The following KCNH5 variants were observed in gnomAD, a reference collection of about 807,000 sequenced individuals.
KCNH5 encodes voltage-gated delayed rectifier potassium channel KCNH5.
In KCNH5, 46 loss-of-function variants were observed where a neutral mutation model predicts 96.1. That is an observed-to-expected ratio of 0.48 (90% CI 0.38 to 0.61). KCNH5 has a LOEUF of 0.61. Ranked by LOEUF, KCNH5 falls within the 20% of genes least tolerant of loss-of-function variation. The pLI, the probability that KCNH5 is intolerant of heterozygous loss-of-function variation, is 0.00. For synonymous variants in KCNH5, 439 were observed against 449.8 expected, an observed-to-expected ratio of 0.98 and a Z score of 0.30; for missense variants, 907 against 1,225.8, an observed-to-expected ratio of 0.74 and a Z score of 3.88.
At chr14:62,925,733 TAA>T (rs1337487846) in intron 7 of KCNH5, among the ~76,000 whole-genome samples, 2 of 152,114 alleles carry the variant, frequency 1.3e-5, no homozygotes, top group African/African-American at 4.8e-5. Flanking sequence ...AAGACCACAA[TAA>T]AGCTTGTAAT....
chr14:62,775,904 G>T (rs1291035189), intron 10 of KCNH5, among the ~76,000 whole-genome samples: 4 of 152,160 alleles, frequency 2.6e-5, no homozygotes, highest in Admixed American at 2.6e-4. Flanking sequence ...AAATCCATCT[G>T]TTGAAGCTCT....
chr14:62,861,674 ACG>A (rs1491241796), intron 7 of KCNH5, among the ~76,000 whole-genome samples: 1 of 139,576 alleles, frequency 7.2e-6, no homozygotes, highest in Non-Finnish European at 1.5e-5. Flanking sequence ...ACACACACAC[ACG>A]GTATAATTAT....
intron 4 of KCNH5, among the ~76,000 whole-genome samples, chr14:62,990,119 A>G (rs907211594): frequency 6.6e-6 from 1 of 152,124 alleles, no homozygotes; most frequent in Non-Finnish European, 1.5e-5. Flanking sequence ...AGGTTTATCC[A>G]GAAAACATTT....
intron 10 of KCNH5, among the ~76,000 whole-genome samples, chr14:62,731,009 A>C (rs1885036778): frequency 6.6e-6 from 1 of 152,196 alleles, no homozygotes; most frequent in African/African-American, 2.4e-5. Flanking sequence ...TTTAAAAAAT[A>C]CTAATCACAG....
At chr14:62,882,821 T>C (rs928817632) in intron 7 of KCNH5, among the ~76,000 whole-genome samples, 5 of 152,180 alleles carry the variant, frequency 3.3e-5, no homozygotes, top group Non-Finnish European at 7.4e-5. Flanking sequence ...CTTATTAACA[T>C]GGGATTTTAA....
At chr14:62,931,585 T>A (rs752070362) in intron 7 of KCNH5, among the ~76,000 whole-genome samples, 5 of 151,962 alleles carry the variant, frequency 3.3e-5, no homozygotes, top group Non-Finnish European at 5.9e-5. Context: ...ACTCATCAGA[T>A]CCAAGAAAGC....
chr14:62,984,454 A>C (rs932711556), intron 5 of KCNH5, among the ~76,000 whole-genome samples: 3 of 152,200 alleles, frequency 2.0e-5, no homozygotes, highest in African/African-American at 7.2e-5. Context: ...TCTGTCTTTG[A>C]AAAAGTAAAA....
intron 5 of KCNH5, among the ~76,000 whole-genome samples, chr14:62,982,307 G>A (rs576725805): frequency 2.6e-4 from 40 of 151,926 alleles, no homozygotes; most frequent in African/African-American, 9.4e-4. Context: ...CCAGCCTGGC[G>A]ACAGAGCGAG....
At chr14:62,966,219 G>C (rs1030361634) in intron 6 of KCNH5, among the ~76,000 whole-genome samples, 2 of 152,156 alleles carry the variant, frequency 1.3e-5, no homozygotes, top group African/African-American at 4.8e-5. Flanking sequence ...CTCTGTATTT[G>C]TATCTGCAAT....
In KCNH5 at chr14:62,707,855, G is replaced by A. The variant is rs754436628; in HGVS notation, c.2620C>T (p.Arg874Cys). Residue 874 changes from arginine to cysteine, a missense_variant, in exon 11 of 11, where the codon CGT becomes TGT. Around this residue, in one of 6 missense-constraint regions of KCNH5, gnomAD observed 362 missense variants for 394.4 expected, o/e 0.92. Coordinates refer to ENST00000322893, the MANE Select transcript of KCNH5 (RefSeq NM_139318.5). ...CDSGITKSDL[R>C]LDKAGEARSP... ...CGGGCCTCCCCAGCCTTATCCAAAC[G>A]AAGGTCACTTTTTGTAATTCCACTG... 9.9e-6 allele frequency: 16 copies of A among 1,614,144 alleles called. No individual in the cohort carries two copies. The highest frequency in any genetic ancestry group is 1.7e-5 in the Admixed American group (1 of 60,008).
At chr14:62,712,798 G>C in intron 10 of KCNH5, 1 of 726,852 alleles carries the variant, frequency 1.4e-6, no homozygotes, top group Non-Finnish European at 2.6e-6. Flanking sequence ...AGCTTTGTGC[G>C]AGGCAGTCTC....
intron 2 of KCNH5, among the ~76,000 whole-genome samples, chr14:63,011,178 T>A (rs537828656): frequency 2.0e-5 from 3 of 152,016 alleles, no homozygotes; most frequent in South Asian, 2.1e-4. Flanking sequence ...GGAGGAAAAA[T>A]TAAAAACAAG....
intron 7 of KCNH5, among the ~76,000 whole-genome samples, chr14:62,916,089 A>AG: frequency 6.6e-6 from 1 of 150,920 alleles, no homozygotes; most frequent in Non-Finnish European, 1.5e-5. Flanking sequence ...AGTAGCTGGG[A>AG]CTACAGGCGC....
chr14:62,988,257 C>T (rs2139576496), intron 4 of KCNH5, among the ~76,000 whole-genome samples: 1 of 152,146 alleles, frequency 6.6e-6, no homozygotes, highest in Non-Finnish European at 1.5e-5. Flanking sequence ...TTTATTAACA[C>T]TATCTGATAA....
Position 62,809,796 on chromosome 14 carries a change from G to A in KCNH5, c.1570-7215C>T, listed in dbSNP as rs532602033. On this transcript the variant is annotated intron_variant, in intron 8 of 10. Transcript: ENST00000322893. ...TTATTTTTCAAGAACTATGGTACAC[G>A]TATTACTAAATTCTAGTCTCAGTAG... is the stretch of plus-strand genomic sequence containing the variant. Among the ~76,000 whole-genome samples the A allele has an allele frequency of 1.1e-4, 16 of 152,188 alleles. No homozygotes were observed. In the East Asian group the frequency reaches 1.9e-3, roughly 18 times the overall value.
chr14:62,846,954 G>T (rs1226939260), intron 8 of KCNH5, among the ~76,000 whole-genome samples: 3 of 148,168 alleles, frequency 2.0e-5, no homozygotes, highest in African/African-American at 7.4e-5. Context: ...GCGCCCGCCA[G>T]CACGCCCGGC....
chr14:62,721,344 T>C (rs1306130702), intron 10 of KCNH5, among the ~76,000 whole-genome samples: 5 of 152,234 alleles, frequency 3.3e-5, no homozygotes, highest in Non-Finnish European at 7.3e-5. Context: ...AATGTAATTT[T>C]CTCAAAAACT....
At chr14:62,753,100 G>A (rs1396453300) in intron 10 of KCNH5, among the ~76,000 whole-genome samples, 1 of 152,056 alleles carries the variant, frequency 6.6e-6, no homozygotes, top group Non-Finnish European at 1.5e-5. Flanking sequence ...AGAAATTCAA[G>A]ATAACACATA....
At chr14:62,919,038 T>G (rs1042301262) in intron 7 of KCNH5, among the ~76,000 whole-genome samples, 1 of 152,118 alleles carries the variant, frequency 6.6e-6, no homozygotes, top group African/African-American at 2.4e-5. Context: ...ACGTGGTATA[T>G]ACTTGTATTT....
Sources: gnomAD v4.1 joint callset for allele counts (sites outside exome capture counted in the v4.1 genomes callset) on GRCh38, gnomAD v4.1.1 for gene constraint, gnomAD v4.1.1 regional missense constraint, MANE v1.5 for transcripts, NCBI Gene and HGNC (gene_info 2026-07-23, HGNC 2026-07-21) for gene names.